Variants in GNAO1 observed in about 807,000 individuals in gnomAD.
GNAO1 encodes guanine nucleotide-binding protein G(o) subunit alpha.
For missense variants in GNAO1, 166 were observed against 478.7 expected (o/e 0.35, Z 6.10); for synonymous variants, 164 against 180.7 (o/e 0.91, Z 0.74).
chr16:56,344,402 G>A, intron 6 of GNAO1: 1 of 1,014,788 alleles, frequency 9.9e-7, no homozygotes, highest in Non-Finnish European at 1.2e-6. Context: ...GGGGTCTCTG[G>A]TGGAGGGCAG....
Position 56,191,791 on chromosome 16 carries a change from G to GCCGCCT in GNAO1, c.-442_-437dup, listed in dbSNP as rs2143268536. ...CTCCTCCACCTCCTCCTCCGCCGCC[G>GCCGCCT]CCGCCTCCTCCTCCTCCGGCAGCCG... On this transcript the variant is annotated 5_prime_UTR_variant, in exon 1 of 9. Coordinates refer to ENST00000262493, the MANE Select transcript of GNAO1 (RefSeq NM_020988.3). The surrounding 1 kb of genome is among the most constrained non-coding windows in gnomAD (Gnocchi z 4.7). 4.7e-6 allele frequency: 1 copy of GCCGCCT among 211,508 alleles called. No homozygotes were observed. The highest frequency in any genetic ancestry group is 1.5e-4 in the East Asian group (1 of 6,540). The allele number at this position is 211,508 out of a possible 1,614,324, so 13.1% of individuals were successfully genotyped here. A position where few individuals can be genotyped will look rare whatever the true frequency, so the allele number is the denominator to read the frequency against.
At position 56,300,036 on chromosome 16, in the gene GNAO1, TGCGCGC is replaced by T. The variant is rs1555505525; in HGVS notation, c.303+23975_303+23980del. 2.4e-4 allele frequency among the ~76,000 whole-genome samples: 23 copies of T among 95,176 alleles called. No homozygotes were observed. In the South Asian group the frequency reaches 5.6e-3, roughly 23 times the overall value. The allele number at this position is 95,176 out of a possible 152,430, so 62.4% of individuals were successfully genotyped here. A position where few individuals can be genotyped will look rare whatever the true frequency, so the allele number is the denominator to read the frequency against. On this transcript the variant is annotated intron_variant, in intron 3 of 8. Transcript: ENST00000262493. ...GTGTGTGTGTGTGTGTGTGTGTGTG[TGCGCGC>T]GCGCGCGCGCACGCACATGTGCTTG...
In GNAO1 at chr16:56,343,968, G is replaced by A. The variant is rs114642745; in HGVS notation, c.723+7108G>A. On this transcript the variant is annotated intron_variant, in intron 6 of 8. Transcript: ENST00000262493. The stretch of plus-strand genomic sequence containing the variant: ...TCTACTGAGCCCAGCCGCCCTGCCC[G>A]GCACCCTTGCCCTGCCTGGCCTGCC... The A allele has an allele frequency of 2.6e-4, 414 of 1,610,648 alleles. 1 individual carries two copies. In the African/African-American group the frequency reaches 4.9e-3, roughly 19 times the overall value.
chr16:56,281,839 G>A (rs2037117402), intron 3 of GNAO1, among the ~76,000 whole-genome samples: 2 of 152,198 alleles, frequency 1.3e-5, no homozygotes, highest in South Asian at 4.1e-4. Flanking sequence ...GGACCAGTGG[G>A]GGGGATGGGG....
chr16:56,345,280 C>T, intron 6 of GNAO1: 1 of 985,488 alleles, frequency 1.0e-6, no homozygotes, highest in Non-Finnish European at 1.2e-6. Context: ...CAGGCTGTGC[C>T]TGGGGACCTA....
intron 4 of GNAO1, among the ~76,000 whole-genome samples, chr16:56,333,640 C>G (rs1259584115): frequency 2.0e-5 from 3 of 152,268 alleles, no homozygotes; most frequent in African/African-American, 7.2e-5. Flanking sequence ...AACACCCTAG[C>G]TGGCGAAGTC....
intron 2 of GNAO1, among the ~76,000 whole-genome samples, chr16:56,211,347 T>C (rs1176308911): frequency 2.0e-5 from 3 of 152,220 alleles, no homozygotes; most frequent in Non-Finnish European, 4.4e-5. Context: ...GCTGTTGCTC[T>C]ATCAAGCATA....
chr16:56,342,323 A>G (rs1432156538), intron 6 of GNAO1, among the ~76,000 whole-genome samples: 1 of 152,192 alleles, frequency 6.6e-6, no homozygotes, highest in Non-Finnish European at 1.5e-5. Context: ...GAGGTCTGGC[A>G]GGCCCTCCAG....
chr16:56,350,118 G>A (rs1433698109), intron 6 of GNAO1, among the ~76,000 whole-genome samples: 1 of 152,154 alleles, frequency 6.6e-6, no homozygotes, highest in African/African-American at 2.4e-5. Context: ...GAGGGGGGCG[G>A]TGTGGCAGTG....
chr16:56,324,301 C>A (rs2037607680), intron 3 of GNAO1, among the ~76,000 whole-genome samples: 1 of 152,202 alleles, frequency 6.6e-6, no homozygotes. Context: ...AGGGCCCCCA[C>A]ATTAGCGTGT....
intron 3 of GNAO1, among the ~76,000 whole-genome samples, chr16:56,313,966 C>G (rs1291174581): frequency 6.8e-6 from 1 of 146,258 alleles, no homozygotes; most frequent in Non-Finnish European, 1.5e-5. Flanking sequence ...ATGACCCTTT[C>G]CTGTTCTGTT....
At chr16:56,237,637 C>T (rs1221500789) in intron 2 of GNAO1, among the ~76,000 whole-genome samples, 3 of 152,080 alleles carry the variant, frequency 2.0e-5, no homozygotes, top group Non-Finnish European at 2.9e-5. Context: ...GATGCCTTGG[C>T]GTTTTCCCTC....
intron 2 of GNAO1, among the ~76,000 whole-genome samples, chr16:56,257,630 C>G (rs1461110242): frequency 6.6e-6 from 1 of 152,136 alleles, no homozygotes; most frequent in East Asian, 1.9e-4. Flanking sequence ...GAACATGGTT[C>G]ACACTAATGA....
intron 3 of GNAO1, among the ~76,000 whole-genome samples, chr16:56,315,328 A>C (rs1359855182): frequency 1.3e-5 from 2 of 152,136 alleles, no homozygotes; most frequent in Admixed American, 1.3e-4. Flanking sequence ...CTGTGTGGGT[A>C]ATTTCATTCT....
intron 6 of GNAO1, among the ~76,000 whole-genome samples, chr16:56,339,462 C>G (rs1235936227): frequency 6.6e-6 from 1 of 152,262 alleles, no homozygotes; most frequent in Non-Finnish European, 1.5e-5. Flanking sequence ...CTGTCTGCCT[C>G]AGGGAGGCAA....
At chr16:56,210,277 C>T (rs543781668) in intron 2 of GNAO1, among the ~76,000 whole-genome samples, 1 of 152,326 alleles carries the variant, frequency 6.6e-6, no homozygotes, top group South Asian at 2.1e-4. Flanking sequence ...TAATATTCCA[C>T]TGTCTGGATA....
At chr16:56,235,650 G>A (rs1469302464) in intron 2 of GNAO1, among the ~76,000 whole-genome samples, 1 of 152,158 alleles carries the variant, frequency 6.6e-6, no homozygotes, top group Non-Finnish European at 1.5e-5. Flanking sequence ...ATCCTCCCAG[G>A]CCTCCCTGGA....
chr16:56,220,005 A>G (rs1042160785), intron 2 of GNAO1, among the ~76,000 whole-genome samples: 2 of 152,188 alleles, frequency 1.3e-5, no homozygotes, highest in African/African-American at 4.8e-5. Context: ...GAACAAAAGG[A>G]GTGGAACCAT....
chr16:56,344,646 G>A (rs564248854), intron 6 of GNAO1: 48 of 985,400 alleles, frequency 4.9e-5, no homozygotes, highest in African/African-American at 1.4e-4. Flanking sequence ...GGCGTGGAGC[G>A]GGGGGAGGGA....
Sources: gnomAD v4.1 joint callset for allele counts (sites outside exome capture counted in the v4.1 genomes callset) on GRCh38, gnomAD v4.1.1 for gene constraint, Gnocchi (gnomAD v3.1) non-coding constraint, MANE v1.5 for transcripts, NCBI Gene and HGNC (gene_info 2026-07-23, HGNC 2026-07-21) for gene names.